DOCK8: variants seen among roughly 807,000 people sequenced by gnomAD.
The protein encoded by DOCK8 is dedicator of cytokinesis protein 8.
Under a neutral mutation model 245.6 loss-of-function variants are expected in DOCK8, and 141 were observed. That is an observed-to-expected ratio of 0.57 (90% CI 0.50 to 0.66). DOCK8 has a LOEUF of 0.66. DOCK8 is among the 30% of genes least tolerant of loss of function. The pLI is 0.00. For synonymous variants in DOCK8, 1,168 were observed against 970.2 expected (o/e 1.20, Z -3.79); for missense variants, 2,965 against 2,603.4 (o/e 1.14, Z -3.02).
intron 46 of DOCK8, 57 bp from the exon 47 acceptor site, chr9:463,460 A>C: frequency 6.3e-7 from 1 of 1,593,634 alleles, no homozygotes; most frequent in Non-Finnish European, 8.6e-7. Flanking sequence ...CATTGTTCTC[A>C]GATTTCTAAG....
intron 14 of DOCK8, chr9:365,988 G>C: frequency 1.0e-5 from 2 of 198,920 alleles, no homozygotes; most frequent in South Asian, 1.7e-4. Flanking sequence ...TTTAGACAGA[G>C]CACGATTTGG....
Position 446,722 on chromosome 9 carries a change from A to AAAT in DOCK8, c.5817+118_5817+120dup. 3.3e-6 allele frequency: 3 copies of AAAT among 901,088 alleles called. No individual in the cohort carries two copies. In the Admixed American group the frequency reaches 6.0e-5, roughly 18 times the overall value. The allele number at this position is 901,088 out of a possible 1,614,324, so 55.8% of individuals were successfully genotyped here. On this transcript the variant is annotated intron_variant, in intron 44 of 47. Coordinates refer to ENST00000432829, the MANE Select transcript of DOCK8 (RefSeq NM_203447.4). ...CTGAAAACAAGGAGGGATGCACTTG[A>AAAT]AATATGATTATATGGTTGTCCTTTC...
intron 46 of DOCK8, among the ~76,000 whole-genome samples, chr9:455,448 T>C (rs1238127674): frequency 6.6e-6 from 1 of 152,140 alleles, no homozygotes; most frequent in Non-Finnish European, 1.5e-5. Context: ...AGGTCAAGGC[T>C]GCAATGAGCC....
chr9:246,506 C>T (rs912952553), intron 1 of DOCK8, among the ~76,000 whole-genome samples: 1 of 113,378 alleles, frequency 8.8e-6, no homozygotes, highest in Non-Finnish European at 1.9e-5. Flanking sequence ...CAGAGTGAGA[C>T]CCTGTCTCAG....
At chr9:404,573 A>G (rs1234494858) in intron 26 of DOCK8, among the ~76,000 whole-genome samples, 2 of 152,182 alleles carry the variant, frequency 1.3e-5, no homozygotes, top group Admixed American at 1.3e-4. Flanking sequence ...AGTTTCTCGA[A>G]CATAGTAGAG....
At chr9:360,203 C>G (rs1265741297) in intron 14 of DOCK8, among the ~76,000 whole-genome samples, 5 of 151,886 alleles carry the variant, frequency 3.3e-5, no homozygotes, top group Non-Finnish European at 2.9e-5. Context: ...GTAGTCCCAG[C>G]TACTCAGGAG....
chr9:400,291 ACCACCACCATCT>A lies in DOCK8; in HGVS notation c.3234+1033_3234+1044del, dbSNP rs1564013244. 1.3e-3 allele frequency among the ~76,000 whole-genome samples: 95 copies of A among 75,544 alleles called. 1 individual carries two copies. Among genetic ancestry groups the A allele is most frequent in the Non-Finnish European group, 1.9e-3 (77 of 40,412 alleles). The allele number at this position is 75,544 out of a possible 152,430, so 49.6% of individuals were successfully genotyped here. A position where few individuals can be genotyped will look rare whatever the true frequency, so the allele number is the denominator to read the frequency against. ...CACCATCACCACCACTTCCTTCACC[ACCACCACCATCT>A]TCACCGTCACCACCACCTCCACCAC... On this transcript the variant is annotated intron_variant, in intron 26 of 47. Transcript: ENST00000432829.
chr9:311,859 C>T (rs920564276), intron 5 of DOCK8, 95 bp from the exon 6 acceptor site: 17 of 1,483,840 alleles, frequency 1.1e-5, no homozygotes, highest in African/African-American at 6.9e-5. Context: ...ATTCTGTAGT[C>T]CCAAATTGGA....
intron 1 of DOCK8, chr9:215,650 G>T: frequency 2.4e-6 from 1 of 422,164 alleles, no homozygotes; most frequent in East Asian, 3.9e-5. Flanking sequence ...AAAAGAAATG[G>T]CCTGTGGCTG....
intron 4 of DOCK8, among the ~76,000 whole-genome samples, chr9:302,017 G>C (rs1195317470): frequency 6.6e-6 from 1 of 151,686 alleles, no homozygotes; most frequent in Non-Finnish European, 1.5e-5. Context: ...AAATTCATGT[G>C]GAACCAAAAA....
At chr9:294,507 C>T (rs1393263809) in intron 4 of DOCK8, among the ~76,000 whole-genome samples, 1 of 152,224 alleles carries the variant, frequency 6.6e-6, no homozygotes, top group Non-Finnish European at 1.5e-5. Flanking sequence ...GAAGCTATTA[C>T]ACCTACTTTC....
intron 14 of DOCK8, among the ~76,000 whole-genome samples, chr9:346,541 C>T (rs188620499): frequency 5.3e-5 from 8 of 152,294 alleles, no homozygotes; most frequent in Non-Finnish European, 1.2e-4. Context: ...ACTTCAGCCC[C>T]CGAGAGCCTC....
At position 421,011 on chromosome 9, in the gene DOCK8, C is replaced by G; in HGVS notation, c.4086C>G (p.Ala1362=). The part of the protein sequence containing the change: ...QVLQKSRDVK[A]RLEEALLRGE... ...TGCAGAAGTCAAGGGATGTCAAGGC[C>G]CGGCTGGAAGAGGCTTTGCTCCGTG... The change falls in exon 32 of 48, where the codon GCC becomes GCG. Residue 1362 remains alanine, a synonymous_variant. Transcript: ENST00000432829. 1 of 1,614,180 alleles carries G rather than the reference C, an allele frequency of 6.2e-7. No homozygotes were observed. The highest frequency in any genetic ancestry group is 8.5e-7 in the Non-Finnish European group (1 of 1,180,024).
intron 45 of DOCK8, 30 bp from the exon 46 acceptor site, chr9:451,981 T>G (rs1268343016): frequency 8.3e-5 from 9 of 107,984 alleles, no homozygotes; most frequent in Non-Finnish European, 1.5e-4. Context: ...ATATATATTT[T>G]TTTTTTTTTT....
chr9:387,738 C>G (rs7866607), intron 23 of DOCK8, among the ~76,000 whole-genome samples: 11,171 of 152,202 alleles, frequency 0.073, 1,350 homozygotes, highest in African/African-American at 0.26. Flanking sequence ...ACAAATTAGT[C>G]CACTTGCTCT....
intron 14 of DOCK8, among the ~76,000 whole-genome samples, chr9:355,111 G>A (rs1196273692): frequency 6.6e-6 from 1 of 152,000 alleles, no homozygotes; most frequent in Non-Finnish European, 1.5e-5. Context: ...GACAGGGAGG[G>A]CAGGTTAATT....
In DOCK8 at chr9:449,847, G is replaced by C. The variant is rs2057374290; in HGVS notation, c.5881G>C (p.Val1961Leu). Residue 1961 changes from valine to leucine, a missense_variant, in exon 45 of 48, where the codon GTT (valine) becomes CTT (leucine). By Grantham distance (32) the Val-to-Leu change is conservative. Around this residue, in one of 3 missense-constraint regions of DOCK8, gnomAD observed 2,825 missense variants for 2,453.5 expected, o/e 1.15. Transcript: ENST00000432829. Reference protein sequence around the residue: ...DMKKKTLQLAVAINQEPPDAK... With the variant: ...DMKKKTLQLALAINQEPPDAK... Reference sequence around the variant, plus strand: ...GAAGAAGAAGACCCTGCAGTTAGCAGTTGCCATTAACCAGGAGCCGCCTGA... The same window carrying C: ...GAAGAAGAAGACCCTGCAGTTAGCACTTGCCATTAACCAGGAGCCGCCTGA... 2.3e-5 allele frequency: 37 copies of C among 1,613,658 alleles called. No homozygotes were observed. In the East Asian group the frequency reaches 8.2e-4, roughly 36 times the overall value.
chr9:295,937 C>T (rs2049242663), intron 4 of DOCK8, among the ~76,000 whole-genome samples: 1 of 152,080 alleles, frequency 6.6e-6, no homozygotes, highest in Admixed American at 6.6e-5. Flanking sequence ...TTTAGATTTC[C>T]TTTTAAACCT....
chr9:388,361 G>A (rs904551968), intron 23 of DOCK8, among the ~76,000 whole-genome samples: 1 of 152,088 alleles, frequency 6.6e-6, no homozygotes, highest in African/African-American at 2.4e-5. Context: ...GAAACCAGTC[G>A]ATAAGCTGAA....
Sources: allele counts gnomAD v4.1 joint callset (sites outside exome capture counted in the v4.1 genomes callset), GRCh38; gene constraint gnomAD v4.1.1; regional missense constraint gnomAD v4.1.1; transcripts MANE v1.5; gene names NCBI Gene and HGNC (gene_info 2026-07-23, HGNC 2026-07-21).